AK8: variants seen among roughly 807,000 people sequenced by gnomAD.
The protein encoded by AK8 is adenylate kinase 8.
In AK8, 44 loss-of-function variants were observed where a neutral mutation model predicts 54.6. The observed-to-expected ratio is 0.81, with a 90% CI of 0.63 to 1.04. The LOEUF (loss-of-function observed/expected upper bound fraction) is 1.04. Ranked by LOEUF, AK8 falls within the 50% of genes least tolerant of loss-of-function variation. The pLI is 0.00. For missense variants in AK8, 555 were observed against 613.6 expected, an observed-to-expected ratio of 0.90 and a Z score of 1.01; for synonymous variants, 239 against 245.6, an observed-to-expected ratio of 0.97 and a Z score of 0.25.
chr9:132,743,265 A>C (rs561170682), intron 11 of AK8, among the ~76,000 whole-genome samples: 179 of 152,368 alleles, frequency 1.2e-3, no homozygotes, highest in Non-Finnish European at 1.9e-3. Flanking sequence ...GCGGCCCCAC[A>C]GGCACGGGTC....
chr9:132,847,048 T>C (rs2097817), intron 5 of AK8, among the ~76,000 whole-genome samples: 85,464 of 152,200 alleles, frequency 0.56, 26,655 homozygotes, highest in East Asian at 0.8. Context: ...CCTGCCTGGA[T>C]CCCAGAGACT....
At chr9:132,744,982 G>A (rs910025040) in intron 11 of AK8, among the ~76,000 whole-genome samples, 2 of 152,190 alleles carry the variant, frequency 1.3e-5, no homozygotes, top group Non-Finnish European at 2.9e-5. Flanking sequence ...GGAGTGGAGG[G>A]GGTGGAGACG....
chr9:132,862,566 T>G (rs2131408428), intron 4 of AK8, among the ~76,000 whole-genome samples: 1 of 152,192 alleles, frequency 6.6e-6, no homozygotes, highest in South Asian at 2.1e-4. Flanking sequence ...TGACTTCAAG[T>G]GATCTGCCCA....
intron 11 of AK8, among the ~76,000 whole-genome samples, chr9:132,751,414 T>C (rs2131016287): frequency 6.8e-6 from 1 of 147,990 alleles, no homozygotes; most frequent in East Asian, 2.0e-4. Flanking sequence ...AACCAACTTC[T>C]GGGTTTTGCT....
At chr9:132,820,734 G>GT (rs1216506434) in intron 9 of AK8, among the ~76,000 whole-genome samples, 2 of 152,258 alleles carry the variant, frequency 1.3e-5, no homozygotes, top group Admixed American at 6.5e-5. Context: ...GGGGCTGTCT[G>GT]TTTTTTTGTT....
chr9:132,863,152 G>C (rs1197583916), intron 4 of AK8, among the ~76,000 whole-genome samples: 3 of 152,206 alleles, frequency 2.0e-5, no homozygotes, highest in Admixed American at 1.3e-4. Flanking sequence ...AGGGGGAATG[G>C]GCACTGCCCG....
At chr9:132,823,540 A>G (rs1307168729) in intron 8 of AK8, among the ~76,000 whole-genome samples, 2 of 152,222 alleles carry the variant, frequency 1.3e-5, no homozygotes, top group East Asian at 3.9e-4. Flanking sequence ...GCGAGGAGTG[A>G]AGTCCACAGA....
chr9:132,737,024 G>A (rs1275680552), intron 11 of AK8, among the ~76,000 whole-genome samples: 2 of 151,968 alleles, frequency 1.3e-5, no homozygotes, highest in Non-Finnish European at 2.9e-5. Context: ...TTTCAGTTTG[G>A]GATGACAAAA....
chr9:132,801,604 G>A (rs1466512355), intron 10 of AK8, among the ~76,000 whole-genome samples: 1 of 152,156 alleles, frequency 6.6e-6, no homozygotes, highest in African/African-American at 2.4e-5. Context: ...CTCAAGGGCA[G>A]CAAGGATGCC....
At chr9:132,736,595 A>G (rs917128937) in intron 11 of AK8, among the ~76,000 whole-genome samples, 5 of 151,160 alleles carry the variant, frequency 3.3e-5, no homozygotes, top group African/African-American at 1.2e-4. Flanking sequence ...CAGGAGATCG[A>G]GACCACAGTG....
intron 11 of AK8, among the ~76,000 whole-genome samples, chr9:132,767,599 T>G (rs1439706287): frequency 1.3e-5 from 2 of 152,212 alleles, no homozygotes; most frequent in Non-Finnish European, 2.9e-5. Context: ...ACAATTCCAC[T>G]GTGGGATGTG....
chr9:132,878,360 G>C (rs533488444), upstream of AK8: 3 of 1,254,578 alleles, frequency 2.4e-6, no homozygotes, highest in East Asian at 3.2e-5. The surrounding 1 kb of genome is among the most constrained non-coding windows in gnomAD (Gnocchi z 4.7). Context: ...GCTCCGCGCC[G>C]GGCCCAGATA....
chr9:132,744,797 G>A, intron 11 of AK8, among the ~76,000 whole-genome samples: 1 of 152,174 alleles, frequency 6.6e-6, no homozygotes, highest in Non-Finnish European at 1.5e-5. Flanking sequence ...CCACTGTGCA[G>A]AGCTATTAGA....
At chr9:132,840,727 T>C (rs1266798539) in intron 5 of AK8, among the ~76,000 whole-genome samples, 3 of 152,102 alleles carry the variant, frequency 2.0e-5, no homozygotes, top group East Asian at 3.9e-4. Flanking sequence ...ATCCTGTCTC[T>C]ACTAAAAATA....
chr9:132,812,779 T>C (rs1334871940), intron 10 of AK8, among the ~76,000 whole-genome samples: 2 of 152,146 alleles, frequency 1.3e-5, no homozygotes, highest in African/African-American at 4.8e-5. Flanking sequence ...CTGGGAAGCA[T>C]AAGAGCTCGT....
At chr9:132,784,132 G>A (rs2131138745) in intron 11 of AK8, among the ~76,000 whole-genome samples, 1 of 152,202 alleles carries the variant, frequency 6.6e-6, no homozygotes, top group East Asian at 1.9e-4. Flanking sequence ...ATGGCCTGGT[G>A]ATTGTAAATG....
intron 5 of AK8, among the ~76,000 whole-genome samples, chr9:132,852,637 G>A (rs568648662): frequency 6.6e-6 from 1 of 151,188 alleles, no homozygotes; most frequent in East Asian, 1.9e-4. Flanking sequence ...AGGCACGGTG[G>A]TGTATGCCTG....
chr9:132,804,006 T>A (rs1840592382), intron 10 of AK8, among the ~76,000 whole-genome samples: 1 of 148,984 alleles, frequency 6.7e-6, no homozygotes, highest in Admixed American at 6.9e-5. Context: ...CTCAGGAGGT[T>A]GAGGCAGGAG....
chr9:132,856,577 T>A (rs975852290), intron 4 of AK8, among the ~76,000 whole-genome samples: 1 of 152,184 alleles, frequency 6.6e-6, no homozygotes, highest in Admixed American at 6.5e-5. Context: ...GGGCCCTGAC[T>A]TGTCCAAGCC....
Sources: gnomAD v4.1 joint callset for allele counts (sites outside exome capture counted in the v4.1 genomes callset) on GRCh38, gnomAD v4.1.1 for gene constraint, Gnocchi (gnomAD v3.1) non-coding constraint, MANE v1.5 for transcripts, NCBI Gene and HGNC (gene_info 2026-07-23, HGNC 2026-07-21) for gene names.